IMMP2L: variants seen among roughly 807,000 people sequenced by gnomAD.
IMMP2L encodes the protein inner mitochondrial membrane peptidase subunit 2.
Under a neutral mutation model 19.3 loss-of-function variants are expected in IMMP2L, and 18 were observed. The ratio of observed to expected loss-of-function variants is 0.93; its 90% CI spans 0.64 to 1.38. IMMP2L has a LOEUF of 1.38. Ranked by LOEUF, IMMP2L falls within the 40% of genes most tolerant of loss-of-function variation. IMMP2L has a pLI of 0.00. For synonymous variants in IMMP2L, 76 were observed against 73.0 expected (o/e 1.04, Z -0.21); for missense variants, 233 against 218.2 (o/e 1.07, Z -0.43).
chr7:110,826,381 T>C (rs923206004), intron 5 of IMMP2L, among the ~76,000 whole-genome samples: 4 of 152,142 alleles, frequency 2.6e-5, no homozygotes, highest in African/African-American at 9.7e-5. Context: ...TAAAGACACA[T>C]GCACACATAT....
intron 3 of IMMP2L, among the ~76,000 whole-genome samples, chr7:111,367,478 G>C (rs897184706): frequency 7.4e-6 from 1 of 135,460 alleles, no homozygotes; most frequent in African/African-American, 3.3e-5. Flanking sequence ...CAGCAAAAAG[G>C]CTTTTTTTTT....
intron 3 of IMMP2L, among the ~76,000 whole-genome samples, chr7:111,149,581 C>CT (rs1355655067): frequency 6.6e-6 from 1 of 152,114 alleles, no homozygotes; most frequent in African/African-American, 2.4e-5. Flanking sequence ...CTTTTCTTAA[C>CT]TTTTTTGATA....
rs1486402419 is a variant in IMMP2L, at chr7:111,133,790, TCCA to T, written c.240-170228_240-170226del. Among the ~76,000 whole-genome samples, 3 of 151,934 alleles carry T rather than the reference TCCA, an allele frequency of 2.0e-5. No homozygotes were observed. The East Asian group carries it at 5.8e-4, about 29-fold the overall frequency. On this transcript the variant is annotated intron_variant, in intron 3 of 5. Coordinates refer to ENST00000405709, the MANE Select transcript of IMMP2L (RefSeq NM_032549.4). ...AAATAGACATAGGCACACTCTATAC[TCCA>T]CCCTCTTAAACCTTCCCTAATCTGA...
Position 111,386,048 on chromosome 7 carries a change from T to C in IMMP2L, c.239+101190A>G, listed in dbSNP as rs767638581. Reference sequence around the variant, plus strand: ...ACCACATGCCACCACTCCCAGCTAATTTTTTTTTTTTAAGAAACAGGGTCT... The same window carrying C: ...ACCACATGCCACCACTCCCAGCTAACTTTTTTTTTTTAAGAAACAGGGTCT... On this transcript the variant is annotated intron_variant, in intron 3 of 5. Transcript: ENST00000405709. Among the ~76,000 whole-genome samples the C allele has an allele frequency of 6.8e-5, 10 of 146,184 alleles. No individual in the cohort carries two copies. In the South Asian group the frequency reaches 1.1e-3, roughly 16 times the overall value.
intron 4 of IMMP2L, among the ~76,000 whole-genome samples, chr7:110,918,016 T>C (rs1813814811): frequency 6.6e-6 from 1 of 152,156 alleles, no homozygotes; most frequent in African/African-American, 2.4e-5. Context: ...CACCTTCTAC[T>C]TCACTTTCAA....
chr7:111,204,827 T>C (rs140258780), intron 3 of IMMP2L, among the ~76,000 whole-genome samples: 11 of 152,334 alleles, frequency 7.2e-5, no homozygotes, highest in African/African-American at 1.7e-4. Flanking sequence ...ACTGCTTTTA[T>C]TGATGTAGTC....
Position 110,840,323 on chromosome 7 carries a change from A to G in IMMP2L, c.408+46270T>C, listed in dbSNP as rs1333916231. On this transcript the variant is annotated intron_variant, in intron 5 of 5. Transcript: ENST00000405709. ...ATAGTTTCCTATCTACAATTCCACC[A>G]AATTGAATGTGCCATCGATTTCCTT... Among the ~76,000 whole-genome samples, 11 of 152,098 alleles carry G rather than the reference A, an allele frequency of 7.2e-5. 1 individual carries two copies. The highest frequency in any genetic ancestry group is 7.2e-4 in the Admixed American group (11 of 15,256).
At chr7:111,001,921 G>A (rs973771927) in intron 3 of IMMP2L, among the ~76,000 whole-genome samples, 1 of 152,106 alleles carries the variant, frequency 6.6e-6, no homozygotes, top group African/African-American at 2.4e-5. Flanking sequence ...GTTAAAGGCT[G>A]CAAAATTGAT....
At chr7:111,461,068 G>C (rs972185787) in intron 3 of IMMP2L, among the ~76,000 whole-genome samples, 1 of 152,050 alleles carries the variant, frequency 6.6e-6, no homozygotes, top group African/African-American at 2.4e-5. Context: ...ATTCCATCAA[G>C]TGTACATTCC....
intron 3 of IMMP2L, among the ~76,000 whole-genome samples, chr7:111,048,250 A>AG (rs1792622651): frequency 1.4e-5 from 2 of 142,224 alleles, no homozygotes; most frequent in African/African-American, 2.6e-5. Flanking sequence ...AAAAAAAAAA[A>AG]AAAAAAAAAA....
chr7:111,193,829 A>G (rs1340105883), intron 3 of IMMP2L, among the ~76,000 whole-genome samples: 1 of 152,104 alleles, frequency 6.6e-6, no homozygotes, highest in Non-Finnish European at 1.5e-5. Flanking sequence ...TACTTATTTT[A>G]CCTATTATTT....
At chr7:111,407,168 G>A (rs1317098856) in intron 3 of IMMP2L, among the ~76,000 whole-genome samples, 1 of 151,988 alleles carries the variant, frequency 6.6e-6, no homozygotes, top group African/African-American at 2.4e-5. Flanking sequence ...TGTTGGTGAG[G>A]TTGTGGGGAA....
intron 5 of IMMP2L, among the ~76,000 whole-genome samples, chr7:110,802,117 GT>G (rs888977405): frequency 2.6e-5 from 4 of 152,014 alleles, no homozygotes; most frequent in African/African-American, 9.7e-5. Flanking sequence ...CTAAATCCAA[GT>G]CATTGATCTT....
At chr7:110,737,911 C>A (rs1025977102) in intron 5 of IMMP2L, among the ~76,000 whole-genome samples, 1 of 152,124 alleles carries the variant, frequency 6.6e-6, no homozygotes, top group African/African-American at 2.4e-5. Flanking sequence ...CTAGTACCAG[C>A]CTGGAACCTG....
At chr7:111,062,670 C>A (rs982633975) in intron 3 of IMMP2L, among the ~76,000 whole-genome samples, 19 of 152,188 alleles carry the variant, frequency 1.2e-4, no homozygotes, top group Non-Finnish European at 2.1e-4. Context: ...GCGGTACAGG[C>A]ATTGGGCAAA....
At chr7:110,830,940 T>C (rs992052732) in intron 5 of IMMP2L, among the ~76,000 whole-genome samples, 2 of 152,152 alleles carry the variant, frequency 1.3e-5, no homozygotes, top group Non-Finnish European at 2.9e-5. Context: ...TCAAGTCTAT[T>C]ACCTCACAGT....
intron 5 of IMMP2L, among the ~76,000 whole-genome samples, chr7:110,858,274 T>C (rs1218537744): frequency 2.0e-5 from 3 of 152,116 alleles, no homozygotes; most frequent in African/African-American, 7.2e-5. Context: ...TGTTCTATTT[T>C]TCCCCCATAC....
intron 3 of IMMP2L, among the ~76,000 whole-genome samples, chr7:111,282,305 G>A (rs2130679803): frequency 6.6e-6 from 1 of 152,278 alleles, no homozygotes; most frequent in African/African-American, 2.4e-5. Context: ...GACAGCAAAT[G>A]AAGAAATATC....
chr7:111,395,996 G>C (rs1415946681), intron 3 of IMMP2L, among the ~76,000 whole-genome samples: 1 of 152,160 alleles, frequency 6.6e-6, no homozygotes, highest in Admixed American at 6.5e-5. Context: ...ATGCTGGTGA[G>C]GCTGTGGAGA....
Sources: allele counts gnomAD v4.1 joint callset (sites outside exome capture counted in the v4.1 genomes callset), GRCh38; gene constraint gnomAD v4.1.1; transcripts MANE v1.5; gene names NCBI Gene and HGNC (gene_info 2026-07-23, HGNC 2026-07-21).